The following CD300E variants were observed in gnomAD, a reference collection of about 807,000 sequenced individuals.
The protein encoded by CD300E is CD300e molecule.
In CD300E, 14 loss-of-function variants were observed where a neutral mutation model predicts 20.9. The observed-to-expected ratio is 0.67, with a 90% confidence interval of 0.44 to 1.05. CD300E has a LOEUF of 1.05. CD300E is among the 50% of genes least tolerant of loss of function. The probability of loss-of-function intolerance (pLI) is 0.00; values close to 1 mark genes in which losing one functional copy is unlikely to be tolerated. For synonymous variants in CD300E, 102 were observed against 103.7 expected (o/e 0.98, Z 0.10); for missense variants, 237 against 253.9 (o/e 0.93, Z 0.45).
intron 2 of CD300E, among the ~76,000 whole-genome samples, chr17:74,614,475 CTTTTTTT>C (rs151029563): frequency 8.8e-6 from 1 of 113,338 alleles, no homozygotes; most frequent in Non-Finnish European, 1.8e-5. Flanking sequence ...TGTGGACACT[CTTTTTTT>C]TTTTTTTTTT....
In CD300E at chr17:74,617,351, C is replaced by G; in HGVS notation, c.155G>C (p.Gly52Ala). The G allele has an allele frequency of 6.2e-7, 1 of 1,614,196 alleles. No individual in the cohort carries two copies. The highest frequency in any genetic ancestry group is 1.1e-5 in the South Asian group (1 of 91,078). The change falls in exon 2 of 4, where the codon GGA (glycine) becomes GCA (alanine). Residue 52 changes from glycine (G) to alanine (A), a missense_variant. Coordinates refer to ENST00000392619, the MANE Select transcript of CD300E (RefSeq NM_181449.3). The stretch of plus-strand genomic sequence containing the variant: ...GCTCTCACATGACGTGTCGTACTGT[C>G]CTCGGCACCAGTACTTGTTATATCC... ...YKGYNKYWCR[G>A]QYDTSCESIV... is the part of the protein sequence containing the mutation.
intron 1 of CD300E, among the ~76,000 whole-genome samples, chr17:74,620,650 A>G (rs2031001063): frequency 6.6e-6 from 1 of 152,020 alleles, no homozygotes; most frequent in South Asian, 2.1e-4. Flanking sequence ...CAAAAAAAAA[A>G]AAGGAAGTCA....
intron 2 of CD300E, among the ~76,000 whole-genome samples, chr17:74,615,508 T>C (rs1486401027): frequency 6.6e-6 from 1 of 152,132 alleles, no homozygotes; most frequent in African/African-American, 2.4e-5. Context: ...GGTAGATGTA[T>C]GGGAGAGTAA....
intron 1 of CD300E, among the ~76,000 whole-genome samples, chr17:74,620,077 G>A (rs374811670): frequency 6.6e-5 from 10 of 152,374 alleles, no homozygotes; most frequent in African/African-American, 2.2e-4. Flanking sequence ...AGTGGCCCAC[G>A]CCTGTAATCC....
chr17:74,621,562 G>T (rs576631894), intron 1 of CD300E, among the ~76,000 whole-genome samples: 6 of 152,312 alleles, frequency 3.9e-5, no homozygotes, highest in Admixed American at 3.3e-4. Context: ...ATATAAATGC[G>T]TCGGTGCATT....
At chr17:74,617,029 T>A in intron 2 of CD300E, 89 bp downstream of exon 2, 2 of 1,123,438 alleles carry the variant, frequency 1.8e-6, no homozygotes, top group Non-Finnish European at 2.7e-6. Context: ...AAGACAAGAC[T>A]TGGACGCACA....
chr17:74,612,572 C>A lies in CD300E; in HGVS notation c.*81G>T. 1.9e-6 allele frequency: 3 copies of A among 1,556,450 alleles called. No homozygotes were observed. The highest frequency in any genetic ancestry group is 1.9e-4 in the Middle Eastern group (1 of 5,312). ...ATCCCTCCAGAGTCCACAGGTCTCT[C>A]GCATCCAGTCTGAAAGGTTGACTCC... On this transcript the variant is annotated 3_prime_UTR_variant, in exon 4 of 4. Transcript: ENST00000392619.
chr17:74,614,761 C>T (rs1274641704), intron 2 of CD300E, among the ~76,000 whole-genome samples: 2 of 152,136 alleles, frequency 1.3e-5, no homozygotes, highest in African/African-American at 2.4e-5. Context: ...GGATTACAGG[C>T]GTGAGCCACC....
chr17:74,620,080 T>C (rs2030988274), intron 1 of CD300E, among the ~76,000 whole-genome samples: 1 of 152,272 alleles, frequency 6.6e-6, no homozygotes, highest in South Asian at 2.1e-4. Context: ...GGCCCACGCC[T>C]GTAATCCCAG....
chr17:74,617,043 C>G lies in CD300E; in HGVS notation c.388+75G>C, dbSNP rs528702803. The G allele has an allele frequency of 7.1e-6, 9 of 1,269,720 alleles. No individual in the cohort carries two copies. The African/African-American group carries it at 8.8e-5, about 12-fold the overall frequency. The allele number at this position is 1,269,720 out of a possible 1,614,324, so 78.7% of individuals were successfully genotyped here. On this transcript the variant is annotated intron_variant, in intron 2 of 3. Coordinates refer to ENST00000392619, the MANE Select transcript of CD300E (RefSeq NM_181449.3). Reference sequence around the variant, plus strand: ...CAAGACAAGACTTGGACGCACACTTCAGTGTGCCGCCCACCCTTGTTCCCT... The same window carrying G: ...CAAGACAAGACTTGGACGCACACTTGAGTGTGCCGCCCACCCTTGTTCCCT...
chr17:74,619,285 A>G (rs936836955), intron 1 of CD300E: 1 of 385,880 alleles, frequency 2.6e-6, no homozygotes, highest in African/African-American at 2.1e-5. Context: ...TCCTAAAGGG[A>G]TCCTTGCTGG....
At chr17:74,619,152 A>G (rs971868246) in intron 1 of CD300E, 2 of 470,970 alleles carry the variant, frequency 4.2e-6, no homozygotes, top group African/African-American at 2.0e-5. Flanking sequence ...TCCCAGCAGC[A>G]CCTCCTTCTA....
chr17:74,622,342 C>G (rs137977046), intron 1 of CD300E, among the ~76,000 whole-genome samples: 61 of 152,032 alleles, frequency 4.0e-4, no homozygotes, highest in African/African-American at 1.4e-3. Context: ...AGTGCAGTGG[C>G]TCATGCCTGT....
In CD300E at chr17:74,623,571, G is replaced by A. The variant is rs1246078562; in HGVS notation, c.40+11C>T. The A allele has an allele frequency of 6.2e-7, 1 of 1,613,996 alleles. No individual in the cohort carries two copies. Among genetic ancestry groups the A allele is most frequent in the Non-Finnish European group, 8.5e-7 (1 of 1,179,962 alleles). On this transcript the variant is annotated intron_variant, in intron 1 of 3. Coordinates refer to ENST00000392619, the MANE Select transcript of CD300E (RefSeq NM_181449.3). ...GCAAAACCAAGTCCCCAAAGCCACA[G>A]CCCCACTCACCTGAGAGGCAGAGAA...
chr17:74,617,600 G>A, intron 1 of CD300E, 135 bp from the exon 2 acceptor site: 1 of 722,434 alleles, frequency 1.4e-6, no homozygotes. Flanking sequence ...GAATACTTGA[G>A]CTTAGGACCT....
In CD300E at chr17:74,612,468, C is replaced by G. The variant is rs1278374471; in HGVS notation, c.*185G>C. 1.5e-6 allele frequency: 1 copy of G among 659,244 alleles called. No individual in the cohort carries two copies. The highest frequency in any genetic ancestry group is 3.1e-5 in the East Asian group (1 of 32,162). 40.8% of individuals were successfully genotyped at this position (659,244 alleles called of 1,614,324 possible). A position where few individuals can be genotyped will look rare whatever the true frequency, so the allele number is the denominator to read the frequency against. ...GGGGACTGGGGAGGAGAAAGGAGGA[C>G]CCCCAAGCTGCACATTGAGGACTCC... On this transcript the variant is annotated 3_prime_UTR_variant, in exon 4 of 4. Transcript: ENST00000392619.
At chr17:74,617,007 G>T in intron 2 of CD300E, 111 bp downstream of exon 2, 1 of 935,178 alleles carries the variant, frequency 1.1e-6, no homozygotes, top group Non-Finnish European at 1.7e-6. Flanking sequence ...CAACACCACT[G>T]TGACTGAGGA....
At position 74,623,613 on chromosome 17, in the gene CD300E, C is replaced by T; in HGVS notation, c.9G>A (p.Leu3=). 1 of 1,614,190 alleles carries T rather than the reference C, an allele frequency of 6.2e-7. No individual in the cohort carries two copies. Among genetic ancestry groups the T allele is most frequent in the Non-Finnish European group, 8.5e-7 (1 of 1,180,024 alleles). Reference sequence around the variant, plus strand: ...GGCAGAGAAGGAGTAGAGCTGGGAGCAGCCACATGTTCCTGTCTCCTTGGC... The same window carrying T: ...GGCAGAGAAGGAGTAGAGCTGGGAGTAGCCACATGTTCCTGTCTCCTTGGC... MW[L]LPALLLLCLS... Residue 3 remains leucine (L), a synonymous_variant, in exon 1 of 4, where the codon CTG becomes CTA. Coordinates refer to ENST00000392619, the MANE Select transcript of CD300E (RefSeq NM_181449.3).
chr17:74,617,359 C>T lies in CD300E; in HGVS notation c.147G>A (p.Trp49Ter), dbSNP rs1268316064. The part of the protein sequence containing the change: ...ESMYKGYNKY[W>*]CRGQYDTSCE... The stretch of plus-strand genomic sequence containing the variant: ...ATGACGTGTCGTACTGTCCTCGGCA[C>T]CAGTACTTGTTATATCCCTTGTACA... Residue 49 changes from tryptophan (W) to a stop codon, truncating the protein, a stop_gained, in exon 2 of 4, where the codon TGG (tryptophan) becomes TGA (stop). Coordinates refer to ENST00000392619, the MANE Select transcript of CD300E (RefSeq NM_181449.3). LOFTEE classifies it high-confidence loss of function. 1 of 1,614,070 alleles carries T rather than the reference C, an allele frequency of 6.2e-7. No individual in the cohort carries two copies. The highest frequency in any genetic ancestry group is 8.5e-7 in the Non-Finnish European group (1 of 1,180,038).
Sources: allele counts gnomAD v4.1 joint callset (sites outside exome capture counted in the v4.1 genomes callset), GRCh38; gene constraint gnomAD v4.1.1; transcripts MANE v1.5; gene names NCBI Gene and HGNC (gene_info 2026-07-23, HGNC 2026-07-21).